Variants in UPB1 observed in about 807,000 individuals in gnomAD.
UPB1 encodes the protein beta-ureidopropionase 1, also known as beta-ureidopropionase.
A neutral mutation model predicts 49.1 loss-of-function variants in UPB1; 40 were observed. That is an observed-to-expected ratio of 0.81 (90% CI 0.63 to 1.06). The LOEUF (loss-of-function observed/expected upper bound fraction) is 1.06, where lower values mean the gene tolerates loss of function less well. Among genes scored for constraint, UPB1 ranks in the 50% least tolerant of loss-of-function variants. UPB1 has a pLI of 0.00. For missense variants in UPB1, 499 were observed against 505.9 expected (o/e 0.99, Z 0.13); for synonymous variants, 207 against 198.2 (o/e 1.04, Z -0.38).
At chr22:24,507,840 A>G (rs1438788391) in intron 3 of UPB1, among the ~76,000 whole-genome samples, 2 of 152,084 alleles carry the variant, frequency 1.3e-5, no homozygotes, top group Non-Finnish European at 2.9e-5. Context: ...TCACGTTTGC[A>G]TATTAAAGGG....
At chr22:24,500,932 T>C (rs2043984834) in intron 2 of UPB1, among the ~76,000 whole-genome samples, 1 of 152,230 alleles carries the variant, frequency 6.6e-6, no homozygotes, top group African/African-American at 2.4e-5. Context: ...GTTTGAGGAT[T>C]CTTAGGGATT....
chr22:24,510,329 T>C (rs2044175249), intron 3 of UPB1, among the ~76,000 whole-genome samples: 3 of 152,192 alleles, frequency 2.0e-5, no homozygotes, highest in Admixed American at 2.0e-4. Flanking sequence ...TAAAGGTTCA[T>C]CCATGTAAGC....
At position 24,513,446 on chromosome 22, in the gene UPB1, C is replaced by T. The variant is rs1352875100; in HGVS notation, c.582C>T (p.Thr194=). 4 of 1,614,114 alleles carry T rather than the reference C, an allele frequency of 2.5e-6. No individual in the cohort carries two copies. The highest frequency in any genetic ancestry group is 3.4e-6 in the Non-Finnish European group (4 of 1,180,034). ...ATTCCGGAGCAGTCCTGGGAAAGACCAGGAAAAACCACATCCCCAGAGTGG... is the reference window on the plus strand; with the variant it reads ...ATTCCGGAGCAGTCCTGGGAAAGACTAGGAAAAACCACATCCCCAGAGTGG... The part of the protein sequence containing the change: ...ISNSGAVLGK[T]RKNHIPRVGD... Residue 194 remains threonine, a synonymous_variant, in exon 5 of 10, where the codon ACC becomes ACT. Transcript: ENST00000326010.
chr22:24,511,111 C>T (rs542915707), intron 4 of UPB1, among the ~76,000 whole-genome samples: 1 of 152,190 alleles, frequency 6.6e-6, no homozygotes, highest in African/African-American at 2.4e-5. Context: ...ACTTTTGTAG[C>T]AAGTCCCACA....
At chr22:24,501,813 C>T (rs745557940) in intron 2 of UPB1, among the ~76,000 whole-genome samples, 2 of 152,218 alleles carry the variant, frequency 1.3e-5, no homozygotes, top group Admixed American at 6.5e-5. Context: ...TGGGTGTGAA[C>T]GTGGGCCCTG....
intron 1 of UPB1, among the ~76,000 whole-genome samples, chr22:24,498,357 G>A (rs796628965): frequency 6.6e-6 from 1 of 152,158 alleles, no homozygotes; most frequent in African/African-American, 2.4e-5. Flanking sequence ...CATTGACTGC[G>A]TCTACACAGG....
At chr22:24,502,816 C>T (rs959739190) in intron 3 of UPB1, 2 of 404,028 alleles carry the variant, frequency 5.0e-6, no homozygotes, top group Non-Finnish European at 8.9e-6. Flanking sequence ...TCAGTGTTAG[C>T]CCTTTCTTGC....
intron 8 of UPB1, among the ~76,000 whole-genome samples, chr22:24,522,831 C>T (rs2044419063): frequency 6.6e-6 from 1 of 150,800 alleles, no homozygotes; most frequent in South Asian, 2.1e-4. Flanking sequence ...ATAATCCCAG[C>T]TACTCAGGAG....
chr22:24,512,543 G>C (rs990574772), intron 4 of UPB1, among the ~76,000 whole-genome samples: 2 of 151,958 alleles, frequency 1.3e-5, no homozygotes, highest in Admixed American at 6.6e-5. Context: ...TTTTTCAAGT[G>C]GTAAAATATA....
chr22:24,524,312 C>T (rs760397555), intron 9 of UPB1, among the ~76,000 whole-genome samples: 2 of 152,260 alleles, frequency 1.3e-5, no homozygotes, highest in South Asian at 4.1e-4. Flanking sequence ...GGGCTTAACT[C>T]GAAGGTCCCA....
intron 1 of UPB1, among the ~76,000 whole-genome samples, chr22:24,499,074 C>A (rs974932027): frequency 6.6e-6 from 1 of 152,160 alleles, no homozygotes; most frequent in Admixed American, 6.5e-5. Context: ...GTGAAGGGAA[C>A]CTTGACTACT....
chr22:24,517,095 C>A (rs1373415932), intron 6 of UPB1, among the ~76,000 whole-genome samples: 2 of 152,196 alleles, frequency 1.3e-5, no homozygotes, highest in African/African-American at 4.8e-5. Context: ...GTGCCCCTTT[C>A]TCAAGAGTAA....
chr22:24,498,657 T>C (rs2043934420), intron 1 of UPB1, among the ~76,000 whole-genome samples: 1 of 151,990 alleles, frequency 6.6e-6, no homozygotes, highest in Non-Finnish European at 1.5e-5. Flanking sequence ...GGGTAGGTAA[T>C]GGAGGTTGTG....
At chr22:24,517,507 G>A (rs766181254) in intron 6 of UPB1, among the ~76,000 whole-genome samples, 18 of 152,214 alleles carry the variant, frequency 1.2e-4, no homozygotes, top group Non-Finnish European at 1.9e-4. Context: ...TGGCTTCTGG[G>A]CCAGGGCAGA....
intron 2 of UPB1, among the ~76,000 whole-genome samples, chr22:24,500,899 C>T (rs1438487958): frequency 1.3e-5 from 2 of 152,208 alleles, no homozygotes; most frequent in Non-Finnish European, 2.9e-5. Flanking sequence ...TTTTCCTGCA[C>T]AGGTTTCCTC....
chr22:24,521,996 C>G lies in UPB1; in HGVS notation c.884C>G (p.Pro295Arg), dbSNP rs146554810. 1.9e-6 allele frequency: 3 copies of G among 1,614,000 alleles called. No homozygotes were observed. The East Asian group carries it at 6.7e-5, about 36-fold the overall frequency. ...GGTCTTATTTCACAGGAGCACTTCC[C>G]GAACGAGTTTACCTCGGGAGATGGA... ...AINRVGTEHF[P>R]NEFTSGDGKK... Residue 295 changes from proline to arginine, a missense_variant, in exon 8 of 10, where the codon CCG becomes CGG. Pro to Arg is a moderately radical substitution (Grantham distance 103). Transcript: ENST00000326010.
intron 6 of UPB1, 134 bp from the exon 7 acceptor site, chr22:24,520,253 G>A: frequency 9.9e-7 from 1 of 1,013,438 alleles, no homozygotes; most frequent in South Asian, 1.4e-5. Context: ...GCCCAGGAAA[G>A]CCTGCAGCCA....
chr22:24,508,306 C>G (rs1442003359), intron 3 of UPB1, among the ~76,000 whole-genome samples: 4 of 152,234 alleles, frequency 2.6e-5, no homozygotes, highest in African/African-American at 9.6e-5. Flanking sequence ...CGCCTGTAAT[C>G]CCAGCACTTT....
intron 9 of UPB1, among the ~76,000 whole-genome samples, chr22:24,525,198 C>T (rs1032617661): frequency 8.6e-5 from 13 of 151,110 alleles, no homozygotes; most frequent in Admixed American, 2.6e-4. Flanking sequence ...GGGAGTAATC[C>T]ACCTTGGGAA....
Sources: gnomAD v4.1 joint callset for allele counts (sites outside exome capture counted in the v4.1 genomes callset) on GRCh38, gnomAD v4.1.1 for gene constraint, MANE v1.5 for transcripts, NCBI Gene and HGNC (gene_info 2026-07-23, HGNC 2026-07-21) for gene names.